RABGAP1L: variants seen among roughly 807,000 people sequenced by gnomAD.
RABGAP1L encodes the protein rab GTPase-activating protein 1-like.
In RABGAP1L, 63 loss-of-function variants were observed where a neutral mutation model predicts 137.7. The observed-to-expected ratio is 0.46, with a 90% confidence interval of 0.37 to 0.56. The LOEUF (loss-of-function observed/expected upper bound fraction) is 0.56. RABGAP1L is among the 20% of genes least tolerant of loss of function. The pLI is 0.00. For missense variants in RABGAP1L, 1,095 were observed against 1,244.0 expected (o/e 0.88, Z 1.80); for synonymous variants, 431 against 433.7 (o/e 0.99, Z 0.08).
chr1:174,895,116 A>C (rs1469384979), intron 19 of RABGAP1L, among the ~76,000 whole-genome samples: 1 of 152,234 alleles, frequency 6.6e-6, no homozygotes, highest in Non-Finnish European at 1.5e-5. Context: ...AACCCTTATC[A>C]GGTCAAAACA....
chr1:174,187,421 C>G (rs1013191262), intron 1 of RABGAP1L, among the ~76,000 whole-genome samples: 2 of 152,012 alleles, frequency 1.3e-5, no homozygotes, highest in South Asian at 4.1e-4. Context: ...TAATAAGAAG[C>G]TTAAATATTT....
At chr1:174,640,521 A>G (rs1674445744) in intron 14 of RABGAP1L, among the ~76,000 whole-genome samples, 1 of 152,076 alleles carries the variant, frequency 6.6e-6, no homozygotes, top group South Asian at 2.1e-4. Flanking sequence ...AAGGTAGTCT[A>G]ACTGTGTAGT....
intron 14 of RABGAP1L, among the ~76,000 whole-genome samples, chr1:174,663,162 C>T (rs917202931): frequency 6.6e-5 from 10 of 152,184 alleles, no homozygotes; most frequent in African/African-American, 2.4e-4. Context: ...CCACCTCTCA[C>T]TCACTGACTC....
At chr1:174,536,252 A>T (rs1481588771) in intron 13 of RABGAP1L, among the ~76,000 whole-genome samples, 1 of 151,998 alleles carries the variant, frequency 6.6e-6, no homozygotes, top group Non-Finnish European at 1.5e-5. Flanking sequence ...TTAAGTGTAT[A>T]TATCACTTTT....
chr1:174,528,023 A>C (rs1471603707), intron 13 of RABGAP1L, among the ~76,000 whole-genome samples: 2 of 143,770 alleles, frequency 1.4e-5, no homozygotes, highest in Non-Finnish European at 3.0e-5. Flanking sequence ...CTTTACTTTC[A>C]TTCTATATGT....
At chr1:174,627,391 A>G (rs1003010704) in intron 13 of RABGAP1L, among the ~76,000 whole-genome samples, 1 of 152,218 alleles carries the variant, frequency 6.6e-6, no homozygotes, top group African/African-American at 2.4e-5. Flanking sequence ...CTTTCTCACA[A>G]TGAGCAAGTA....
At chr1:174,552,814 A>G (rs771463650) in intron 13 of RABGAP1L, among the ~76,000 whole-genome samples, 1 of 152,160 alleles carries the variant, frequency 6.6e-6, no homozygotes, top group Non-Finnish European at 1.5e-5. Flanking sequence ...ATCTTCTACA[A>G]TGGTGGAACT....
chr1:174,652,386 G>GT (rs139748745), intron 14 of RABGAP1L, among the ~76,000 whole-genome samples: 3,212 of 152,240 alleles, frequency 0.021, 53 homozygotes, highest in Middle Eastern at 0.085. Flanking sequence ...AGGTGTTCTG[G>GT]TTTTTGGAAT....
At chr1:174,612,693 T>C (rs1671380071) in intron 13 of RABGAP1L, among the ~76,000 whole-genome samples, 1 of 152,224 alleles carries the variant, frequency 6.6e-6, no homozygotes, top group Non-Finnish European at 1.5e-5. Context: ...TCCTGGACTC[T>C]TTTTGATTGG....
chr1:174,882,531 A>G (rs958477225), intron 19 of RABGAP1L, among the ~76,000 whole-genome samples: 26 of 152,182 alleles, frequency 1.7e-4, no homozygotes, highest in African/African-American at 3.1e-4. Flanking sequence ...GTTTTATTCA[A>G]TCGTTTAAAG....
intron 9 of RABGAP1L, among the ~76,000 whole-genome samples, chr1:174,276,417 T>A (rs866620742): frequency 6.6e-6 from 1 of 152,162 alleles, no homozygotes; most frequent in Non-Finnish European, 1.5e-5. Flanking sequence ...AGCACTGGGA[T>A]TACAGATGTG....
intron 19 of RABGAP1L, among the ~76,000 whole-genome samples, chr1:174,863,472 G>A (rs1650648117): frequency 6.6e-6 from 1 of 151,176 alleles, no homozygotes; most frequent in South Asian, 2.1e-4. Flanking sequence ...AGGAGATCGA[G>A]ACCATCCTGG....
intron 19 of RABGAP1L, among the ~76,000 whole-genome samples, chr1:174,881,531 G>A (rs1487216582): frequency 4.9e-4 from 57 of 116,664 alleles, no homozygotes; most frequent in African/African-American, 1.8e-3. Flanking sequence ...ATGGAGTCTC[G>A]CTCTGTCACC....
chr1:174,551,854 A>T (rs1572292605), intron 13 of RABGAP1L, among the ~76,000 whole-genome samples: 1 of 152,292 alleles, frequency 6.6e-6, no homozygotes, highest in South Asian at 2.1e-4. Context: ...AATAGTGGAT[A>T]TCAGTACAGA....
chr1:174,880,598 T>C, intron 19 of RABGAP1L, among the ~76,000 whole-genome samples: 1 of 143,266 alleles, frequency 7.0e-6, no homozygotes, highest in East Asian at 2.4e-4. Context: ...CCTGCCTCTC[T>C]TCCTTTTTTG....
At chr1:174,733,756 T>C (rs553184009) in intron 17 of RABGAP1L, among the ~76,000 whole-genome samples, 130 of 152,288 alleles carry the variant, frequency 8.5e-4, no homozygotes, top group African/African-American at 2.9e-3. Context: ...AGAGAAATGA[T>C]AGGATTTGAT....
At chr1:174,875,533 G>C (rs926826303) in intron 19 of RABGAP1L, 3 of 985,252 alleles carry the variant, frequency 3.0e-6, no homozygotes, top group African/African-American at 1.7e-5. Context: ...ACCTTATTCA[G>C]ATATCCATGT....
rs61414923 is a variant in RABGAP1L, at chr1:174,516,120, TACACACACACACACACACACAC to T, written c.1711-121230_1711-121209del. On this transcript the variant is annotated intron_variant, in intron 13 of 25. Coordinates refer to ENST00000681986, the MANE Select transcript of RABGAP1L (RefSeq NM_001366446.1). ...AGTCAAGGGATGAAAACTGAAGCTC[TACACACACACACACACACACAC>T]ACACACACACACACACACACACACG... Among the ~76,000 whole-genome samples the T allele has an allele frequency of 3.4e-3, 448 of 133,306 alleles. 1 individual carries two copies. Among genetic ancestry groups the T allele is most frequent in the Non-Finnish European group, 5.1e-3 (326 of 63,532 alleles). 87.5% of individuals were successfully genotyped at this position (133,306 alleles called of 152,430 possible).
At chr1:174,371,898 GTTTCCTTAGTTGTAAT>G (rs973838288) in intron 12 of RABGAP1L, among the ~76,000 whole-genome samples, 4 of 152,106 alleles carry the variant, frequency 2.6e-5, no homozygotes, top group Non-Finnish European at 1.5e-5. Flanking sequence ...CATCTTGAGA[GTTTCCTTAGTTGTAAT>G]TTAGGAAATA....
Sources: allele counts gnomAD v4.1 joint callset (sites outside exome capture counted in the v4.1 genomes callset), GRCh38; gene constraint gnomAD v4.1.1; transcripts MANE v1.5; gene names NCBI Gene and HGNC (gene_info 2026-07-23, HGNC 2026-07-21).